ROBO2: variants seen among roughly 807,000 people sequenced by gnomAD.
ROBO2 encodes the protein roundabout homolog 2.
ROBO2 carries 53 observed loss-of-function variants against 160.8 expected under a neutral mutation model. That is an observed-to-expected ratio of 0.33 (90% CI 0.26 to 0.41). The LOEUF (loss-of-function observed/expected upper bound fraction) is 0.41, where lower values mean the gene tolerates loss of function less well. Ranked by LOEUF, ROBO2 falls within the 10% of genes least tolerant of loss-of-function variation. The pLI is 1.00. For synonymous variants in ROBO2, 664 were observed against 611.7 expected (o/e 1.09, Z -1.26); for missense variants, 1,577 against 1,722.4 (o/e 0.92, Z 1.49).
intron 2 of ROBO2, among the ~76,000 whole-genome samples, chr3:77,349,758 C>T (rs1178091726): frequency 6.6e-6 from 1 of 152,074 alleles, no homozygotes; most frequent in East Asian, 1.9e-4. Context: ...TGACAATAAA[C>T]ATTGGATTCA....
intron 17 of ROBO2, 85 bp downstream of exon 18, chr3:77,589,018 T>C (rs1295283966): frequency 3.3e-6 from 5 of 1,507,462 alleles, no homozygotes; most frequent in Non-Finnish European, 1.8e-6. Flanking sequence ...GAATAACAAA[T>C]GAGTGATTTG....
At chr3:76,271,071 T>C (rs1481793096) in intron 2 of ROBO2, among the ~76,000 whole-genome samples, 1 of 152,070 alleles carries the variant, frequency 6.6e-6, no homozygotes, top group East Asian at 1.9e-4. Context: ...CTGCTACTAG[T>C]AGGTGGTCCA....
chr3:77,518,772 A>G (rs1243731380), intron 5 of ROBO2, among the ~76,000 whole-genome samples: 1 of 151,686 alleles, frequency 6.6e-6, no homozygotes, highest in South Asian at 2.1e-4. Flanking sequence ...AAATTAAAAG[A>G]TGACAATGAT....
chr3:77,542,297 C>CA (rs11383994), intron 6 of ROBO2, among the ~76,000 whole-genome samples: 63,180 of 152,082 alleles, frequency 0.42, 13,149 homozygotes, highest in Admixed American at 0.48. Flanking sequence ...GGTCCACCTT[C>CA]AGGTGATAAT....
intron 2 of ROBO2, among the ~76,000 whole-genome samples, chr3:76,819,371 C>T (rs2065931731): frequency 1.3e-5 from 2 of 152,156 alleles, no homozygotes; most frequent in South Asian, 4.1e-4. Context: ...TATTGCCTCT[C>T]CGATCCCTTG....
At chr3:77,429,768 G>T (rs2078588847) in intron 2 of ROBO2, among the ~76,000 whole-genome samples, 1 of 151,982 alleles carries the variant, frequency 6.6e-6, no homozygotes, top group Admixed American at 6.6e-5. Flanking sequence ...GTGATCTGCT[G>T]TGATCACAGA....
intron 2 of ROBO2, among the ~76,000 whole-genome samples, chr3:77,200,270 TATATATATA>T (rs2082732809): frequency 4.2e-4 from 4 of 9,456 alleles, no homozygotes; most frequent in Admixed American, 9.5e-4. Context: ...ACATATTTTA[TATATATATA>T]TATATATATA....
intron 2 of ROBO2, among the ~76,000 whole-genome samples, chr3:77,195,947 A>T (rs1467576608): frequency 6.6e-6 from 1 of 152,188 alleles, no homozygotes; most frequent in African/African-American, 2.4e-5. Flanking sequence ...ATGTCCAAGG[A>T]CCTCTAGGCT....
At chr3:75,945,869 T>C (rs1948270149) in intron 2 of ROBO2, among the ~76,000 whole-genome samples, 1 of 119,008 alleles carries the variant, frequency 8.4e-6, no homozygotes, top group Non-Finnish European at 2.0e-5. Context: ...CATCCATTGA[T>C]GTCATATTAA....
At chr3:76,549,371 G>A (rs932946188) in intron 2 of ROBO2, among the ~76,000 whole-genome samples, 2 of 152,176 alleles carry the variant, frequency 1.3e-5, no homozygotes, top group African/African-American at 2.4e-5. Flanking sequence ...GGTGTAAAAC[G>A]TTACCTCCTC....
chr3:77,035,949 G>A (rs951886038), upstream of ROBO2, among the ~76,000 whole-genome samples: 17 of 151,950 alleles, frequency 1.1e-4, no homozygotes, highest in Admixed American at 1.0e-3. Context: ...TGGCTTTAAA[G>A]AGGTTCTTAA....
rs1374211837 is a variant in ROBO2 at position 76,655,669 on chromosome 3, GAA to G, written c.110-442343_110-442342del. Among the ~76,000 whole-genome samples the G allele has an allele frequency of 6.5e-5, 9 of 138,730 alleles. No homozygotes were observed. The South Asian group carries it at 2.0e-3, about 30-fold the overall frequency. 91.0% of individuals were successfully genotyped at this position (138,730 alleles called of 152,430 possible). A position where few individuals can be genotyped will look rare whatever the true frequency, so the allele number is the denominator to read the frequency against. On this transcript the variant is annotated intron_variant, in intron 2 of 26. Coordinates refer to the ROBO2 transcript ENST00000487694. Reference sequence around the variant, plus strand: ...GAAAAAAGAGAAAGAAGAAAAAAAAGAAAGAAAGAGAGGGGCAGGTAGGCAGG... The same window carrying G: ...GAAAAAAGAGAAAGAAGAAAAAAAAGAGAAAGAGAGGGGCAGGTAGGCAGG...
At chr3:76,321,617 A>G (rs1559760465) in intron 2 of ROBO2, among the ~76,000 whole-genome samples, 1 of 152,190 alleles carries the variant, frequency 6.6e-6, no homozygotes, top group Non-Finnish European at 1.5e-5. Flanking sequence ...CCAGGCATTC[A>G]ACCCAGGTAA....
chr3:76,828,821 T>A (rs1352094828), intron 2 of ROBO2, among the ~76,000 whole-genome samples: 1 of 152,040 alleles, frequency 6.6e-6, no homozygotes, highest in African/African-American at 2.4e-5. Flanking sequence ...CTAATCAACC[T>A]GACATAGCCA....
At position 76,048,954 on chromosome 3, in the gene ROBO2, T is replaced by C. The variant is rs190464952; in HGVS notation, c.109+111352T>C. Among the ~76,000 whole-genome samples, 4 of 152,304 alleles carry C rather than the reference T, an allele frequency of 2.6e-5. No homozygotes were observed. The East Asian group carries it at 7.7e-4, about 29-fold the overall frequency. On this transcript the variant is annotated intron_variant, in intron 2 of 26. Transcript: ENST00000487694. The stretch of plus-strand genomic sequence containing the variant: ...AAAGTTACATACTTCTTGAGTATAC[T>C]TGAATAAGGTTCAAAGCATGCAACG...
intron 6 of ROBO2, among the ~76,000 whole-genome samples, chr3:77,526,604 G>A (rs148594342): frequency 6.6e-6 from 1 of 151,626 alleles, no homozygotes; most frequent in South Asian, 2.1e-4. Context: ...AAAGGATTAT[G>A]AAGCCCATGT....
intron 2 of ROBO2, among the ~76,000 whole-genome samples, chr3:77,160,787 T>C (rs2078419533): frequency 6.6e-6 from 1 of 152,160 alleles, no homozygotes; most frequent in Non-Finnish European, 1.5e-5. Context: ...TGGCATGTAA[T>C]TACCCCGGAG....
intron 2 of ROBO2, among the ~76,000 whole-genome samples, chr3:77,424,753 T>A (rs1263462945): frequency 6.6e-6 from 1 of 152,160 alleles, no homozygotes; most frequent in Admixed American, 6.5e-5. Flanking sequence ...GAACACTGCG[T>A]GCCCGTGTAT....
chr3:76,734,217 T>A (rs571032870), intron 2 of ROBO2, among the ~76,000 whole-genome samples: 16 of 152,304 alleles, frequency 1.1e-4, no homozygotes, highest in African/African-American at 3.6e-4. Context: ...TCAAGATATA[T>A]GTTAATATTT....
Sources: gnomAD v4.1 joint callset for allele counts (sites outside exome capture counted in the v4.1 genomes callset) on GRCh38, gnomAD v4.1.1 for gene constraint, MANE v1.5 for transcripts, NCBI Gene and HGNC (gene_info 2026-07-23, HGNC 2026-07-21) for gene names.